The following TMEFF2 variants were observed in gnomAD, a reference collection of about 807,000 sequenced individuals.
The protein encoded by TMEFF2 is transmembrane protein with EGF like and two follistatin like domains 2.
In TMEFF2, 28 loss-of-function variants were observed where a neutral mutation model predicts 53.8. The observed-to-expected ratio is 0.52, with a 90% confidence interval of 0.39 to 0.71. TMEFF2 has a LOEUF of 0.71. TMEFF2 is among the 30% of genes least tolerant of loss of function. TMEFF2 has a pLI of 0.00. For synonymous variants in TMEFF2, 162 were observed against 166.3 expected (o/e 0.97, Z 0.20); for missense variants, 353 against 455.2 (o/e 0.78, Z 2.04).
chr2:192,148,524 T>C (rs1484855571), intron 4 of TMEFF2, among the ~76,000 whole-genome samples: 1 of 152,016 alleles, frequency 6.6e-6, no homozygotes, highest in Admixed American at 6.6e-5. Flanking sequence ...ACTTTGCTTG[T>C]GAACTCCTTG....
At chr2:192,090,940 T>C (rs760127495) in intron 4 of TMEFF2, among the ~76,000 whole-genome samples, 5 of 152,176 alleles carry the variant, frequency 3.3e-5, no homozygotes, top group Non-Finnish European at 7.4e-5. Flanking sequence ...TACAATTTCA[T>C]GGTTCTATTC....
intron 3 of TMEFF2, among the ~76,000 whole-genome samples, chr2:192,183,200 T>C (rs1039837321): frequency 2.0e-5 from 3 of 152,066 alleles, no homozygotes; most frequent in Non-Finnish European, 4.4e-5. Flanking sequence ...CCATGAGATA[T>C]GATTCTATTC....
At chr2:191,966,649 A>G (rs1376813414) in intron 7 of TMEFF2, among the ~76,000 whole-genome samples, 2 of 152,180 alleles carry the variant, frequency 1.3e-5, no homozygotes. Flanking sequence ...AAAACAAAAC[A>G]AAAAACAGGC....
chr2:192,115,407 A>G (rs940433294), intron 4 of TMEFF2, among the ~76,000 whole-genome samples: 1 of 151,982 alleles, frequency 6.6e-6, no homozygotes, highest in South Asian at 2.1e-4. Flanking sequence ...GCTGTATGAC[A>G]TCAATCTTGG....
intron 8 of TMEFF2, 43 bp from the exon 9 acceptor site, chr2:191,953,880 T>C (rs1691968319): frequency 1.6e-6 from 2 of 1,260,340 alleles, no homozygotes; most frequent in African/African-American, 3.1e-5. Context: ...GGGTGCTGCA[T>C]TCATTTTTTT....
At chr2:192,156,838 C>T (rs544978104) in intron 4 of TMEFF2, among the ~76,000 whole-genome samples, 1 of 152,180 alleles carries the variant, frequency 6.6e-6, no homozygotes, top group African/African-American at 2.4e-5. Context: ...TGAGACCACG[C>T]AGAAGGATCA....
At chr2:192,083,377 G>C (rs1248408049) in intron 4 of TMEFF2, among the ~76,000 whole-genome samples, 3 of 152,074 alleles carry the variant, frequency 2.0e-5, no homozygotes, top group Non-Finnish European at 4.4e-5. Context: ...GTGGTTTCAG[G>C]AGAGTATAGA....
intron 5 of TMEFF2, among the ~76,000 whole-genome samples, chr2:192,010,560 T>C (rs1427800354): frequency 6.6e-6 from 1 of 152,108 alleles, no homozygotes; most frequent in Non-Finnish European, 1.5e-5. Context: ...CCTTTTAGTT[T>C]ACCATAGATC....
chr2:192,075,276 A>C (rs1277671167), intron 4 of TMEFF2, among the ~76,000 whole-genome samples: 1 of 68,544 alleles, frequency 1.5e-5, no homozygotes, highest in East Asian at 9.3e-4. Context: ...TACCCAGAGT[A>C]CAGTACTATT....
chr2:191,995,040 C>G (rs1483519279), intron 7 of TMEFF2, among the ~76,000 whole-genome samples: 1 of 151,940 alleles, frequency 6.6e-6, no homozygotes, highest in East Asian at 1.9e-4. Context: ...CTTTGAGGAT[C>G]ATGGAATTCA....
At chr2:192,123,845 TC>T (rs1407002993) in intron 4 of TMEFF2, among the ~76,000 whole-genome samples, 2 of 152,266 alleles carry the variant, frequency 1.3e-5, no homozygotes, top group African/African-American at 4.8e-5. Context: ...TGCCTCTTAT[TC>T]ACTATTGAGT....
intron 4 of TMEFF2, among the ~76,000 whole-genome samples, chr2:192,111,612 G>A (rs1022907101): frequency 2.0e-5 from 3 of 152,186 alleles, no homozygotes; most frequent in African/African-American, 7.2e-5. Flanking sequence ...TTTCTGAGGA[G>A]AAATTCAAGC....
At chr2:191,997,144 G>T (rs955808840) in intron 7 of TMEFF2, among the ~76,000 whole-genome samples, 1 of 151,774 alleles carries the variant, frequency 6.6e-6, no homozygotes, top group Non-Finnish European at 1.5e-5. Flanking sequence ...TCTCCTGGAC[G>T]CTTTGGGAAT....
At chr2:192,087,053 A>C (rs1226162677) in intron 4 of TMEFF2, among the ~76,000 whole-genome samples, 1 of 150,268 alleles carries the variant, frequency 6.7e-6, no homozygotes. Flanking sequence ...ATTTATTGTA[A>C]ATATTGATTT....
chr2:191,989,114 A>T (rs1686046283), intron 7 of TMEFF2, among the ~76,000 whole-genome samples: 1 of 152,224 alleles, frequency 6.6e-6, no homozygotes, highest in Non-Finnish European at 1.5e-5. Context: ...GCAGAAGGAC[A>T]TAGCAATCCA....
rs532725041 is a variant in TMEFF2, at chr2:192,194,105, C to T, written c.172+248G>A. On this transcript the variant is annotated intron_variant, in intron 1 of 9. Transcript: ENST00000272771. This position sits in a 1 kb window ranked among gnomAD's most constrained non-coding sequence, Gnocchi z 4.2. ...AATATTTCTCAAAATCCTCGCAGCT[C>T]CAATGTAAGCGCAAGCATGCAAAGG... is the stretch of plus-strand genomic sequence containing the variant. Among the ~76,000 whole-genome samples, 108 of 152,272 alleles carry T rather than the reference C, an allele frequency of 7.1e-4. No individual in the cohort carries two copies. The highest frequency in any genetic ancestry group is 2.5e-3 in the African/African-American group (103 of 41,534).
chr2:192,128,274 T>C (rs555773553), intron 4 of TMEFF2, among the ~76,000 whole-genome samples: 2 of 152,342 alleles, frequency 1.3e-5, no homozygotes, highest in African/African-American at 4.8e-5. Flanking sequence ...TTTTATACTA[T>C]GTAAGAATTG....
At chr2:192,086,039 A>G (rs756282703) in intron 4 of TMEFF2, among the ~76,000 whole-genome samples, 2 of 152,186 alleles carry the variant, frequency 1.3e-5, no homozygotes, top group African/African-American at 2.4e-5. Flanking sequence ...ACTATAGGCC[A>G]TTGCAAAGAT....
At chr2:192,085,086 A>C (rs188196504) in intron 4 of TMEFF2, among the ~76,000 whole-genome samples, 2 of 152,310 alleles carry the variant, frequency 1.3e-5, no homozygotes, top group Admixed American at 1.3e-4. Context: ...TTCAGGATGT[A>C]ACGCTTCTTC....
Sources: gnomAD v4.1 joint callset for allele counts (sites outside exome capture counted in the v4.1 genomes callset) on GRCh38, gnomAD v4.1.1 for gene constraint, Gnocchi (gnomAD v3.1) non-coding constraint, MANE v1.5 for transcripts, NCBI Gene and HGNC (gene_info 2026-07-23, HGNC 2026-07-21) for gene names.